Variants in NWD1 observed in about 807,000 individuals in gnomAD.
NWD1 encodes NACHT domain- and WD repeat-containing protein 1.
NWD1 carries 129 observed loss-of-function variants against 135.1 expected under a neutral mutation model. That is an observed-to-expected ratio of 0.96 (90% confidence interval 0.83 to 1.11). NWD1 has a LOEUF of 1.11. Ranked by LOEUF, NWD1 falls within the 50% of genes least tolerant of loss-of-function variation. The pLI is 0.00. For synonymous variants in NWD1, 773 were observed against 786.0 expected, an observed-to-expected ratio of 0.98 and a Z score of 0.28; for missense variants, 1,740 against 1,851.3, an observed-to-expected ratio of 0.94 and a Z score of 1.10.
chr19:16,774,744 C>G (rs1969539988), intron 11 of NWD1, among the ~76,000 whole-genome samples: 1 of 152,020 alleles, frequency 6.6e-6, no homozygotes, highest in Admixed American at 6.6e-5. Context: ...ATCCTTCAAC[C>G]CTTTCTTTCT....
chr19:16,788,187 G>A (rs556824082), intron 12 of NWD1, among the ~76,000 whole-genome samples: 23 of 146,922 alleles, frequency 1.6e-4, no homozygotes, highest in East Asian at 7.9e-4. Context: ...CCAGGGCCAC[G>A]CCACTGCACT....
chr19:16,768,831 G>A (rs1162975016), intron 10 of NWD1, among the ~76,000 whole-genome samples: 1 of 152,146 alleles, frequency 6.6e-6, no homozygotes, highest in Non-Finnish European at 1.5e-5. Flanking sequence ...TGTTAAAAAG[G>A]ATGACCAGTG....
rs911045756 is a variant in NWD1 at position 16,814,781 on chromosome 19, C to G, written c.4288-247C>G. 3.3e-5 allele frequency among the ~76,000 whole-genome samples: 5 copies of G among 152,282 alleles called. 1 individual carries two copies. The East Asian group carries it at 9.7e-4, about 29-fold the overall frequency. On this transcript the variant is annotated intron_variant, in intron 18 of 18. Coordinates refer to ENST00000524140, the MANE Select transcript of NWD1 (RefSeq NM_001007525.5). ...ACTGAGCTCACTCTGGGCCAAAAAC[C>G]TACACTAAGCACATGACCTGCATGA...
At chr19:16,737,324 C>T (rs1473452845) in intron 4 of NWD1, among the ~76,000 whole-genome samples, 4 of 151,992 alleles carry the variant, frequency 2.6e-5, no homozygotes, top group African/African-American at 7.2e-5. Flanking sequence ...AGTGCAGTGG[C>T]AAGATCATGG....
chr19:16,800,296 G>A, intron 17 of NWD1, 134 bp downstream of exon 17: 6 of 880,892 alleles, frequency 6.8e-6, no homozygotes, highest in Non-Finnish European at 1.0e-5. Context: ...GACTTTGGGA[G>A]GCCTTGGCGG....
chr19:16,795,650 C>T (rs949634424), intron 15 of NWD1, among the ~76,000 whole-genome samples: 4 of 152,156 alleles, frequency 2.6e-5, no homozygotes, highest in African/African-American at 9.6e-5. Context: ...CTCCTGACTT[C>T]AGGTTATCTG....
chr19:16,745,103 T>A lies in NWD1; in HGVS notation c.496+385T>A, dbSNP rs1484499822. 4 of 466,026 alleles carry A rather than the reference T, an allele frequency of 8.6e-6. No homozygotes were observed. In the East Asian group the frequency reaches 2.7e-4, roughly 31 times the overall value. 28.9% of individuals were successfully genotyped at this position (466,026 alleles called of 1,614,324 possible). A position where few individuals can be genotyped will look rare whatever the true frequency, so the allele number is the denominator to read the frequency against. ...GCTGGGGAGGCCTCACAATCATGGC[T>A]GAAGGCAAAGGAGAAGCAAAGAGGC... On this transcript the variant is annotated intron_variant, in intron 5 of 18. Coordinates refer to ENST00000524140, the MANE Select transcript of NWD1 (RefSeq NM_001007525.5).
rs150010420 is a variant in NWD1, at chr19:16,815,032, C to T, written c.4292C>T (p.Pro1431Leu). The part of the protein sequence containing the change: ...KWKFEMSYTA[P>L]C ...TCCTTCTCTTCACCCTTACAGGCAC[C>T]CTGCTGACAGTCCAGTTTGTCCATG... Residue 1431 changes from proline to leucine, a missense_variant, in exon 19 of 19, where the codon CCC (proline) becomes CTC (leucine). Pro to Leu is a moderately conservative substitution (Grantham distance 98). Transcript: ENST00000524140. 5.6e-6 allele frequency: 9 copies of T among 1,613,778 alleles called. No individual in the cohort carries two copies. The African/African-American group carries it at 6.7e-5, about 12-fold the overall frequency.
intron 12 of NWD1, among the ~76,000 whole-genome samples, chr19:16,788,252 A>C (rs1426495567): frequency 7.2e-6 from 1 of 139,062 alleles, no homozygotes; most frequent in African/African-American, 2.8e-5. Context: ...AATAATAATA[A>C]TAATAATAAT....
intron 6 of NWD1, among the ~76,000 whole-genome samples, chr19:16,759,003 C>CAAAAAAAAAAAAAAAAAAAAA (rs58283462): frequency 1.3e-5 from 1 of 74,928 alleles, no homozygotes; most frequent in African/African-American, 4.8e-5. Context: ...AACTCTGTCT[C>CAAAAAAAAAAAAAAAAAAAAA]AAAAAAAAAA....
chr19:16,778,940 T>C (rs1050017773), intron 11 of NWD1, among the ~76,000 whole-genome samples: 1 of 152,204 alleles, frequency 6.6e-6, no homozygotes, highest in Admixed American at 6.5e-5. Context: ...GATGGGGTTG[T>C]CATGCGTTGC....
chr19:16,807,470 G>A, intron 17 of NWD1, 116 bp from the exon 18 acceptor site: 1 of 793,934 alleles, frequency 1.3e-6, no homozygotes. Flanking sequence ...TACAGCCTGG[G>A]CAACAGAGTG....
intron 10 of NWD1, among the ~76,000 whole-genome samples, chr19:16,771,566 A>G (rs1011377178): frequency 1.3e-5 from 2 of 152,220 alleles, no homozygotes; most frequent in East Asian, 3.8e-4. Context: ...GTAAACCTTG[A>G]TGGAGCAACT....
intron 18 of NWD1, chr19:16,812,929 A>T (rs913547526): frequency 1.3e-6 from 1 of 773,484 alleles, no homozygotes; most frequent in Non-Finnish European, 2.4e-6. Flanking sequence ...TGGGCATTAG[A>T]GGGCCCTGCT....
intron 7 of NWD1, among the ~76,000 whole-genome samples, chr19:16,761,258 G>A (rs1021975815): frequency 7.9e-5 from 12 of 151,960 alleles, no homozygotes; most frequent in African/African-American, 1.2e-4. Flanking sequence ...GTTTATCTTC[G>A]TCTATGGATG....
intron 4 of NWD1, among the ~76,000 whole-genome samples, chr19:16,742,849 T>C (rs912296245): frequency 6.7e-6 from 1 of 148,916 alleles, no homozygotes; most frequent in African/African-American, 2.5e-5. Context: ...TTTAAAAAAA[T>C]TTTTTGTAGA....
intron 12 of NWD1, among the ~76,000 whole-genome samples, chr19:16,781,635 CATTT>C (rs924409857): frequency 2.6e-5 from 4 of 151,710 alleles, no homozygotes; most frequent in African/African-American, 9.7e-5. Context: ...AGCAAGACTA[CATTT>C]ATTTGTTGAC....
Position 16,750,367 on chromosome 19 carries a change from G to A in NWD1, c.1725G>A (p.Gly575=). Residue 575 remains glycine (G), a synonymous_variant, in exon 6 of 19, where the codon GGG becomes GGA. Transcript: ENST00000524140. ...QLCTRLEQTH[G]QLLVAHVLGY... is the part of the protein sequence containing the mutation. The stretch of plus-strand genomic sequence containing the variant: ...GCACCCGCCTGGAGCAGACACACGG[G>A]CAGCTCCTCGTGGCCCACGTGCTGG... The A allele has an allele frequency of 6.2e-7, 1 of 1,604,806 alleles. No individual in the cohort carries two copies. The highest frequency in any genetic ancestry group is 1.3e-5 in the African/African-American group (1 of 74,630).
At position 16,749,706 on chromosome 19, in the gene NWD1, C is replaced by T; in HGVS notation, c.1064C>T (p.Ala355Val). 6.2e-7 allele frequency: 1 copy of T among 1,602,834 alleles called. No homozygotes were observed. The highest frequency in any genetic ancestry group is 8.5e-7 in the Non-Finnish European group (1 of 1,173,816). ...IGKTALMCKL[A>V]EQMPRLLGHK... ...AAGACAGCCCTGATGTGCAAGCTGG[C>T]TGAGCAGATGCCAAGGCTGCTGGGG... Residue 355 changes from alanine (A) to valine (V), a missense_variant, in exon 6 of 19, where the codon GCT (alanine) becomes GTT (valine). Coordinates refer to ENST00000524140, the MANE Select transcript of NWD1 (RefSeq NM_001007525.5).
Sources: gnomAD v4.1 joint callset for allele counts (sites outside exome capture counted in the v4.1 genomes callset) on GRCh38, gnomAD v4.1.1 for gene constraint, MANE v1.5 for transcripts, NCBI Gene and HGNC (gene_info 2026-07-23, HGNC 2026-07-21) for gene names.